The following AK6 variants were observed in gnomAD, a reference collection of about 807,000 sequenced individuals.
The protein encoded by AK6 is adenylate kinase 6, also known as adenylate kinase isoenzyme 6.
In AK6, 24 loss-of-function variants were observed where a neutral mutation model predicts 23.7. The ratio of observed to expected loss-of-function variants is 1.01; its 90% confidence interval spans 0.73 to 1.43. The LOEUF (loss-of-function observed/expected upper bound fraction) is 1.43. Ranked by LOEUF, AK6 falls within the 40% of genes most tolerant of loss-of-function variation. AK6 has a pLI of 0.00. For synonymous variants in AK6, 73 were observed against 69.8 expected (o/e 1.05, Z -0.23); for missense variants, 191 against 199.1 (o/e 0.96, Z 0.24).
intron 1 of AK6, chr5:69,366,885 A>T (rs1762453495): frequency 3.1e-6 from 1 of 322,238 alleles, no homozygotes; most frequent in South Asian, 4.1e-5. Context: ...CAGTCTCCTC[A>T]GTAGCTGGAA....
At chr5:69,357,258 T>C (rs533505654) in intron 2 of AK6, among the ~76,000 whole-genome samples, 2 of 152,226 alleles carry the variant, frequency 1.3e-5, no homozygotes, top group Non-Finnish European at 2.9e-5. Context: ...ACCACCTTTC[T>C]AGCACTCTAG....
intron 2 of AK6, among the ~76,000 whole-genome samples, chr5:69,357,606 T>C (rs1484682425): frequency 6.6e-6 from 1 of 151,846 alleles, no homozygotes; most frequent in Non-Finnish European, 1.5e-5. Context: ...TAACAATTGC[T>C]CAATAAACAA....
Position 69,366,591 on chromosome 5 carries a change from T to G in AK6, c.33A>C (p.Thr11=), listed in dbSNP as rs1243815537. MLLPNILLTG[T]PGVGKTTLGK... ...CTAGTGTGGTTTTTCCAACCCCTGG[T>G]GTACCTGTAAGACAAGCCACAGAAA... Residue 11 remains threonine, a synonymous_variant, in exon 2 of 5, where the codon ACA becomes ACC. Coordinates refer to ENST00000380822, the MANE Select transcript of AK6 (RefSeq NM_016283.5). 9 of 1,612,502 alleles carry G rather than the reference T, an allele frequency of 5.6e-6. No homozygotes were observed.
At chr5:69,365,341 G>C in intron 2 of AK6, 1 of 1,614,190 alleles carries the variant, frequency 6.2e-7, no homozygotes, top group Non-Finnish European at 8.5e-7. Context: ...GCCTTTTTCT[G>C]TAAAGATTTC....
At chr5:69,369,225 C>A in intron 1 of AK6, 1 of 153,446 alleles carries the variant, frequency 6.5e-6, no homozygotes. Context: ...GACCTCTCTC[C>A]ACCCCCCCCC....
chr5:69,369,501 G>C lies in AK6; in HGVS notation c.-11C>G, dbSNP rs1444832656. On this transcript the variant is annotated 5_prime_UTR_variant, in exon 1 of 5. Transcript: ENST00000380822. ...GTTCGGAAGCAACATGGTCCCCGCC[G>C]CGACGGCTTCGGGCGCCTCGCTCAC... is the stretch of plus-strand genomic sequence containing the variant. 1 of 1,611,330 alleles carries C rather than the reference G, an allele frequency of 6.2e-7. No homozygotes were observed. Among genetic ancestry groups the C allele is most frequent in the East Asian group, 2.2e-5 (1 of 44,776 alleles).
chr5:69,366,265 A>T (rs1465445147), intron 2 of AK6, among the ~76,000 whole-genome samples: 1 of 152,168 alleles, frequency 6.6e-6, no homozygotes, highest in East Asian at 1.9e-4. Flanking sequence ...TCTTTATAGG[A>T]GCCTTCCCAA....
chr5:69,364,578 G>T (rs1016713967), intron 2 of AK6, among the ~76,000 whole-genome samples: 1 of 152,182 alleles, frequency 6.6e-6, no homozygotes, highest in African/African-American at 2.4e-5. Flanking sequence ...GTACACACCA[G>T]AGATCATACT....
At chr5:69,359,847 G>A (rs1762182944) in intron 2 of AK6, among the ~76,000 whole-genome samples, 1 of 152,144 alleles carries the variant, frequency 6.6e-6, no homozygotes, top group Admixed American at 6.5e-5. Flanking sequence ...AGAGTGATTG[G>A]GTGCCTTTAA....
At chr5:69,367,378 C>T (rs1323008046) in intron 1 of AK6, among the ~76,000 whole-genome samples, 2 of 151,520 alleles carry the variant, frequency 1.3e-5, no homozygotes, top group African/African-American at 2.4e-5. Context: ...GGCGTGGTGG[C>T]GCGTGCCTGT....
intron 2 of AK6, chr5:69,365,872 A>T (rs1762400581): frequency 1.6e-5 from 11 of 686,430 alleles, no homozygotes; most frequent in African/African-American, 3.7e-5. Context: ...AAAAATTTTT[A>T]AAATTTAAAC....
chr5:69,360,584 G>A (rs1285142799), intron 2 of AK6, among the ~76,000 whole-genome samples: 1 of 152,140 alleles, frequency 6.6e-6, no homozygotes, highest in East Asian at 1.9e-4. Flanking sequence ...GATTACTAGT[G>A]GGAGGGGCAG....
intron 2 of AK6, chr5:69,365,509 A>G (rs745406228): frequency 3.1e-6 from 5 of 1,613,976 alleles, no homozygotes; most frequent in Non-Finnish European, 4.2e-6. Context: ...TCAGCGCGGC[A>G]CTGGATTGCC....
chr5:69,364,630 G>A (rs1185409424), intron 2 of AK6: 1 of 440,516 alleles, frequency 2.3e-6, no homozygotes, highest in Admixed American at 3.9e-5. Flanking sequence ...ACACTCTAGT[G>A]GTCAAAAATA....
At chr5:69,361,932 G>A (rs146487747) in intron 2 of AK6, among the ~76,000 whole-genome samples, 4 of 148,424 alleles carry the variant, frequency 2.7e-5, no homozygotes, top group South Asian at 4.3e-4. Context: ...ACAGGCATGA[G>A]CCACCACCCC....
chr5:69,358,415 G>A (rs1326260225), intron 2 of AK6, among the ~76,000 whole-genome samples: 1 of 151,524 alleles, frequency 6.6e-6, no homozygotes, highest in Non-Finnish European at 1.5e-5. Flanking sequence ...CAGCTGCTTG[G>A]GAGGTTGAGG....
At chr5:69,369,151 T>G (rs1328699168) in intron 1 of AK6, 1 of 466,658 alleles carries the variant, frequency 2.1e-6, no homozygotes, top group Non-Finnish European at 3.7e-6. Flanking sequence ...CAACCCATTT[T>G]ACAAACGAAA....
intron 2 of AK6, among the ~76,000 whole-genome samples, chr5:69,357,147 T>C (rs1762104845): frequency 2.0e-5 from 3 of 152,216 alleles, no homozygotes; most frequent in Admixed American, 2.0e-4. Flanking sequence ...AGTAGTCTGA[T>C]GGTCACTGCG....
intron 2 of AK6, among the ~76,000 whole-genome samples, chr5:69,359,172 G>C (rs1285435959): frequency 3.3e-5 from 5 of 151,838 alleles, no homozygotes; most frequent in Admixed American, 3.3e-4. Flanking sequence ...CTTGAGGCTG[G>C]AGTGAGCCAG....
Sources: gnomAD v4.1 joint callset for allele counts (sites outside exome capture counted in the v4.1 genomes callset) on GRCh38, gnomAD v4.1.1 for gene constraint, MANE v1.5 for transcripts, NCBI Gene and HGNC (gene_info 2026-07-23, HGNC 2026-07-21) for gene names.